The following CALD1 variants were observed in gnomAD, a reference collection of about 807,000 sequenced individuals.
The protein encoded by CALD1 is caldesmon 1, also known as caldesmon.
Under a neutral mutation model 99.9 loss-of-function variants are expected in CALD1, and 33 were observed. That is an observed-to-expected ratio of 0.33 (90% CI 0.25 to 0.44). The LOEUF (loss-of-function observed/expected upper bound fraction) is 0.44. Among genes scored for constraint, CALD1 ranks in the 20% least tolerant of loss-of-function variants. The pLI, the probability that CALD1 is intolerant of heterozygous loss-of-function variation, is 1.00. For missense variants in CALD1, 861 were observed against 962.1 expected, an observed-to-expected ratio of 0.89 and a Z score of 1.39; for synonymous variants, 310 against 325.0, an observed-to-expected ratio of 0.95 and a Z score of 0.50.
At chr7:134,904,449 C>T (rs1219115994) in intron 3 of CALD1, among the ~76,000 whole-genome samples, 1 of 151,916 alleles carries the variant, frequency 6.6e-6, no homozygotes. Context: ...GGCATGGTGG[C>T]ACACACCTGC....
chr7:134,932,368 C>T (rs1283437449), intron 4 of CALD1, among the ~76,000 whole-genome samples: 1 of 152,144 alleles, frequency 6.6e-6, no homozygotes, highest in Non-Finnish European at 1.5e-5. Context: ...ATCAGGAATT[C>T]TAGATGACTT....
intron 2 of CALD1, among the ~76,000 whole-genome samples, chr7:134,851,428 C>T (rs1800077311): frequency 6.6e-6 from 1 of 152,086 alleles, no homozygotes; most frequent in Non-Finnish European, 1.5e-5. Flanking sequence ...AACTAGAGGT[C>T]TCAGAAGGGA....
At chr7:134,757,871 T>G (rs758286472) in intron 1 of CALD1, among the ~76,000 whole-genome samples, 24 of 151,296 alleles carry the variant, frequency 1.6e-4, no homozygotes, top group Non-Finnish European at 2.8e-4. Flanking sequence ...AAAGCTAGAC[T>G]CCGTCTAAAA....
At chr7:134,955,773 A>G (rs903045783) in intron 9 of CALD1, among the ~76,000 whole-genome samples, 3 of 152,226 alleles carry the variant, frequency 2.0e-5, no homozygotes, top group Non-Finnish European at 2.9e-5. Context: ...TTAGGGGGAC[A>G]CAGTTCGATC....
At chr7:134,865,487 T>A (rs1366225171) in intron 2 of CALD1, among the ~76,000 whole-genome samples, 32 of 152,140 alleles carry the variant, frequency 2.1e-4, no homozygotes, top group Admixed American at 2.0e-3. Context: ...GCACACGCTC[T>A]CTCTCTCCCT....
At chr7:134,872,315 G>A (rs1314102401) in intron 3 of CALD1, among the ~76,000 whole-genome samples, 4 of 136,630 alleles carry the variant, frequency 2.9e-5, no homozygotes, top group Non-Finnish European at 4.6e-5. Context: ...CCGAGATTAC[G>A]CCACTGCACC....
At chr7:134,754,300 G>A (rs1796709950) in intron 1 of CALD1, among the ~76,000 whole-genome samples, 1 of 152,188 alleles carries the variant, frequency 6.6e-6, no homozygotes, top group Non-Finnish European at 1.5e-5. Flanking sequence ...AAACCTAAGT[G>A]TGTATTATAA....
chr7:134,922,525 A>T (rs1037572143), intron 3 of CALD1, among the ~76,000 whole-genome samples: 1 of 152,244 alleles, frequency 6.6e-6, no homozygotes, highest in Non-Finnish European at 1.5e-5. Context: ...AAGACGACCT[A>T]TACTATAGTT....
intron 1 of CALD1, among the ~76,000 whole-genome samples, chr7:134,842,523 A>G (rs1306231462): frequency 1.3e-5 from 2 of 152,230 alleles, no homozygotes; most frequent in Non-Finnish European, 2.9e-5. Flanking sequence ...CCCTAATTCA[A>G]CCATGTAAGA....
chr7:134,822,715 T>G (rs747838425), intron 1 of CALD1, among the ~76,000 whole-genome samples: 4 of 152,204 alleles, frequency 2.6e-5, no homozygotes, highest in Non-Finnish European at 5.9e-5. Flanking sequence ...CATCTCCTTT[T>G]CAAACTTCCT....
chr7:134,830,842 A>G (rs1437678403), intron 1 of CALD1, among the ~76,000 whole-genome samples: 1 of 152,136 alleles, frequency 6.6e-6, no homozygotes, highest in Non-Finnish European at 1.5e-5. Context: ...TCTTCCTGTT[A>G]TTTACTGTAA....
intron 1 of CALD1, among the ~76,000 whole-genome samples, chr7:134,800,205 T>C (rs1158048282): frequency 3.3e-5 from 5 of 152,194 alleles, no homozygotes; most frequent in Non-Finnish European, 7.4e-5. Flanking sequence ...TTTTTAAAGC[T>C]GAGTGTTTTA....
chr7:134,904,066 T>C (rs1454586924), intron 3 of CALD1, among the ~76,000 whole-genome samples: 1 of 151,576 alleles, frequency 6.6e-6, no homozygotes, highest in Non-Finnish European at 1.5e-5. Flanking sequence ...CTACTAAAAA[T>C]ACAAAAATTA....
intron 3 of CALD1, among the ~76,000 whole-genome samples, chr7:134,911,567 C>T (rs1381775784): frequency 6.6e-6 from 1 of 152,178 alleles, no homozygotes; most frequent in African/African-American, 2.4e-5. Flanking sequence ...CATTGATCTG[C>T]CTTTTAAGGA....
chr7:134,826,405 C>T (rs892782314), intron 1 of CALD1, among the ~76,000 whole-genome samples: 7 of 152,160 alleles, frequency 4.6e-5, no homozygotes, highest in African/African-American at 1.7e-4. Flanking sequence ...AAGTGCCAAT[C>T]ATCTTCCTGA....
At chr7:134,953,822 T>C (rs543240414) in intron 9 of CALD1, among the ~76,000 whole-genome samples, 14 of 152,272 alleles carry the variant, frequency 9.2e-5, no homozygotes, top group African/African-American at 3.4e-4. Flanking sequence ...GCCATTTATC[T>C]ACTCCCTCTG....
At chr7:134,926,519 A>G (rs1805032005) in intron 3 of CALD1, among the ~76,000 whole-genome samples, 1 of 152,256 alleles carries the variant, frequency 6.6e-6, no homozygotes, top group African/African-American at 2.4e-5. Flanking sequence ...TTTCTCAAGT[A>G]GCAAAGAAGA....
At chr7:134,951,036 C>A (rs1807297662) in intron 9 of CALD1, among the ~76,000 whole-genome samples, 1 of 152,170 alleles carries the variant, frequency 6.6e-6, no homozygotes, top group African/African-American at 2.4e-5. Flanking sequence ...TAGTGAGGGC[C>A]TATTCCTCAT....
At position 134,925,807 on chromosome 7, in the gene CALD1, C is replaced by T. The variant is rs947980823; in HGVS notation, c.72-2947C>T. ...ACCCTATCAATAGGGATGTCCCATA[C>T]GGAGTTTTATGCCTCTTGCTTGTCT... On this transcript the variant is annotated intron_variant, in intron 3 of 14. Coordinates refer to ENST00000361675, the MANE Select transcript of CALD1 (RefSeq NM_033138.4). Among the ~76,000 whole-genome samples the T allele has an allele frequency of 1.2e-3, 178 of 152,134 alleles. 1 individual carries two copies. Among genetic ancestry groups the T allele is most frequent in the Non-Finnish European group, 4.6e-4 (31 of 68,018 alleles).
Sources: allele counts gnomAD v4.1 joint callset (sites outside exome capture counted in the v4.1 genomes callset), GRCh38; gene constraint gnomAD v4.1.1; transcripts MANE v1.5; gene names NCBI Gene and HGNC (gene_info 2026-07-23, HGNC 2026-07-21).